Variants in PRX observed in about 807,000 individuals in gnomAD.
PRX encodes periaxin.
In PRX, 24 loss-of-function variants were observed where a neutral mutation model predicts 29.6. That is an observed-to-expected ratio of 0.81 (90% CI 0.59 to 1.14). The LOEUF (loss-of-function observed/expected upper bound fraction) is 1.14, where lower values mean the gene tolerates loss of function less well. Among genes scored for constraint, PRX ranks in the 50% most tolerant of loss-of-function variants. The probability of loss-of-function intolerance (pLI) is 0.00; values close to 1 mark genes in which losing one functional copy is unlikely to be tolerated. For synonymous variants in PRX, 772 were observed against 831.7 expected, an observed-to-expected ratio of 0.93 and a Z score of 1.24; for missense variants, 1,838 against 1,926.4, an observed-to-expected ratio of 0.95 and a Z score of 0.86.
chr19:40,396,411 C>T lies in PRX; in HGVS notation c.1941G>A (p.Met647Ile), dbSNP rs765325668. The T allele has an allele frequency of 6.2e-6, 10 of 1,613,804 alleles. No homozygotes were observed. The highest frequency in any genetic ancestry group is 8.5e-6 in the Non-Finnish European group (10 of 1,179,976). ...CCGGGAGGTGCACATCGGGCACAGC[C>T]ATCTCGGGCACCTTCGGGAGTTTCA... ...PEVKLPKVPE[M>I]AVPDVHLPEV... The change falls in exon 7 of 7, where the codon ATG (methionine) becomes ATA (isoleucine). Residue 647 changes from methionine (M) to isoleucine (I), a missense_variant. Met to Ile is a conservative substitution (Grantham distance 10, BLOSUM62 1). Transcript: ENST00000324001.
In PRX at chr19:40,396,388, G is replaced by A. The variant is rs118003416; in HGVS notation, c.1964C>T (p.Pro655Leu). Residue 655 changes from proline to leucine, a missense_variant, in exon 7 of 7, where the codon CCG becomes CTG. By Grantham distance (98) the Pro-to-Leu change is moderately conservative. Transcript: ENST00000324001. ...PEMAVPDVHL[P>L]EVQLPKVPEM... Reference sequence around the variant, plus strand: ...TGGGACTTTCGGGAGCTGCACTTCCGGGAGGTGCACATCGGGCACAGCCAT... The same window carrying A: ...TGGGACTTTCGGGAGCTGCACTTCCAGGAGGTGCACATCGGGCACAGCCAT... The A allele has an allele frequency of 6.5e-4, 1,051 of 1,613,766 alleles. 9 individuals are homozygous for A. The East Asian group carries it at 0.022, about 34-fold the overall frequency.
rs763489447 is a variant in PRX at position 40,396,950 on chromosome 19, C to T, written c.1402G>A (p.Val468Met). The change falls in exon 7 of 7, where the codon GTG becomes ATG. Residue 468 changes from valine to methionine, a missense_variant. Val to Met is a conservative substitution (Grantham distance 21). Around this residue, in one of 3 missense-constraint regions of PRX, gnomAD observed 666 missense variants for 665.0 expected, o/e 1.00. Transcript: ENST00000324001. Reference sequence around the variant, plus strand: ...ATCTCTGACACCTTGGGGAGCTCCACCTCTGGGAGTCGAACCTCTGGAAGG... The same window carrying T: ...ATCTCTGACACCTTGGGGAGCTCCATCTCTGGGAGTCGAACCTCTGGAAGG... ...AALPEVRLPEVELPKVSEMKL... is the reference protein window; with the variant it reads ...AALPEVRLPEMELPKVSEMKL... 2.8e-5 allele frequency: 45 copies of T among 1,614,206 alleles called. 1 individual carries two copies. In the South Asian group the frequency reaches 4.5e-4, roughly 16 times the overall value.
At position 40,397,540 on chromosome 19, in the gene PRX, G is replaced by A; in HGVS notation, c.812C>T (p.Pro271Leu). ...EAAGGFALHL[P>L]TLGLGAPAPP... ...AGCCGGGGCTCCGAGCCCAAGGGTT[G>A]GCAGGTGGAGGGCAAAGCCACCAGC... The change falls in exon 7 of 7, where the codon CCA becomes CTA. Residue 271 changes from proline to leucine, a missense_variant. Physicochemically the swap from Pro to Leu is moderately conservative, Grantham distance 98. This residue lies in a region of PRX where 666 missense variants were observed against 665.0 expected (regional missense o/e 1.00). Transcript: ENST00000324001. 6.5e-7 allele frequency: 1 copy of A among 1,541,946 alleles called. No homozygotes were observed.
chr19:40,397,843 A>C lies in PRX; in HGVS notation c.509T>G (p.Leu170Arg), dbSNP rs1387520113. ...FPKFSRLRRG[L>R]KAEAVKGPVP... is the part of the protein sequence containing the mutation. ...AGGACCCTTGACAGCCTCGGCTTTGAGGCCCCGACGCAGGCGGGAGAACTT... is the reference window on the plus strand; with the variant it reads ...AGGACCCTTGACAGCCTCGGCTTTGCGGCCCCGACGCAGGCGGGAGAACTT... Residue 170 changes from leucine to arginine, a missense_variant, in exon 7 of 7, where the codon CTC becomes CGC. Leu to Arg is a moderately radical substitution (Grantham distance 102). Coordinates refer to ENST00000324001, the MANE Select transcript of PRX (RefSeq NM_181882.3). 1.2e-6 allele frequency: 2 copies of C among 1,601,022 alleles called. No homozygotes were observed. Among genetic ancestry groups the C allele is most frequent in the Non-Finnish European group, 1.7e-6 (2 of 1,174,798 alleles).
chr19:40,406,771 CTTTTT>C (rs59493934), intron 4 of PRX, among the ~76,000 whole-genome samples: 3 of 121,366 alleles, frequency 2.5e-5, no homozygotes, highest in African/African-American at 3.4e-5. Context: ...ACCTCCATTT[CTTTTT>C]TTTTTTTTTT....
chr19:40,397,832 C>A lies in PRX; in HGVS notation c.520G>T (p.Ala174Ser). 1 of 1,595,566 alleles carries A rather than the reference C, an allele frequency of 6.3e-7. No individual in the cohort carries two copies. Among genetic ancestry groups the A allele is most frequent in the Non-Finnish European group, 8.5e-7 (1 of 1,172,116 alleles). ...GCAGCCGGGACAGGACCCTTGACAG[C>A]CTCGGCTTTGAGGCCCCGACGCAGG... ...SRLRRGLKAE[A>S]VKGPVPAAPA... is the part of the protein sequence containing the mutation. The change falls in exon 7 of 7, where the codon GCT becomes TCT. Residue 174 changes from alanine to serine, a missense_variant. Coordinates refer to ENST00000324001, the MANE Select transcript of PRX (RefSeq NM_181882.3).
In PRX at chr19:40,393,953, C is replaced by T; in HGVS notation, c.*13G>A. ...AAGGAAGGCAAGAAGGGATCCCCAT[C>T]TGACTAGGGGCTTCAGACAGCCGCA... On this transcript the variant is annotated 3_prime_UTR_variant, in exon 7 of 7. Transcript: ENST00000324001. 1 of 1,610,184 alleles carries T rather than the reference C, an allele frequency of 6.2e-7. No individual in the cohort carries two copies. Among genetic ancestry groups the T allele is most frequent in the Non-Finnish European group, 8.5e-7 (1 of 1,179,734 alleles).
chr19:40,396,664 G>A lies in PRX; in HGVS notation c.1688C>T (p.Ala563Val). The A allele has an allele frequency of 1.9e-6, 3 of 1,613,786 alleles. No homozygotes were observed. Among genetic ancestry groups the A allele is most frequent in the South Asian group, 1.1e-5 (1 of 91,036 alleles). Residue 563 changes from alanine to valine, a missense_variant, in exon 7 of 7, where the codon GCT becomes GTT. Coordinates refer to ENST00000324001, the MANE Select transcript of PRX (RefSeq NM_181882.3). ...CTCTGGAAGCCGCACCTCTGGCACAGCCACCTCTGACACCTCTGGGAGTTT... is the reference window on the plus strand; with the variant it reads ...CTCTGGAAGCCGCACCTCTGGCACAACCACCTCTGACACCTCTGGGAGTTT... ...EMKLPEVSEV[A>V]VPEVRLPEVQ...
upstream of PRX, among the ~76,000 whole-genome samples, chr19:40,413,771 G>A (rs189494879): frequency 2.6e-5 from 4 of 152,292 alleles, no homozygotes; most frequent in East Asian, 1.9e-4. Flanking sequence ...CCACTTCCTC[G>A]CTGGGTGACC....
At chr19:40,400,864 C>T (rs186930216) in intron 5 of PRX, among the ~76,000 whole-genome samples, 1 of 152,244 alleles carries the variant, frequency 6.6e-6, no homozygotes, top group Non-Finnish European at 1.5e-5. Context: ...AGTTAAAAGA[C>T]CATAAATCTG....
chr19:40,410,576 TAAA>T (rs1414578067), intron 1 of PRX, among the ~76,000 whole-genome samples: 3 of 152,100 alleles, frequency 2.0e-5, no homozygotes, highest in Non-Finnish European at 4.4e-5. Flanking sequence ...TGAACTTGTC[TAAA>T]AACTCCAGCA....
At chr19:40,412,892 A>AT (rs1350231247) in intron 1 of PRX, among the ~76,000 whole-genome samples, 3 of 151,696 alleles carry the variant, frequency 2.0e-5, no homozygotes, top group East Asian at 3.9e-4. Flanking sequence ...ATTAAAAAAA[A>AT]TTTTTTTTTG....
chr19:40,399,046 T>C (rs893480448), intron 5 of PRX, among the ~76,000 whole-genome samples: 1 of 152,082 alleles, frequency 6.6e-6, no homozygotes, highest in Non-Finnish European at 1.5e-5. Flanking sequence ...CCGCACCTTG[T>C]CGCTCCCCTA....
In PRX at chr19:40,396,140, G is replaced by C; in HGVS notation, c.2212C>G (p.Pro738Ala). 6.2e-7 allele frequency: 1 copy of C among 1,613,832 alleles called. No individual in the cohort carries two copies. ...TGCACCTCGGGGAGGTGCACATCGG[G>C]CACAGCCATCTCAGGCACCTTGGGG... ...KLPKVPEMAV[P>A]DVHLPEVQLP... Residue 738 changes from proline (P) to alanine (A), a missense_variant, in exon 7 of 7, where the codon CCC becomes GCC. Physicochemically the swap from Pro to Ala is conservative, Grantham distance 27. This residue lies in a region of PRX where 1,143 missense variants were observed against 1,193.0 expected (regional missense o/e 0.96). Transcript: ENST00000324001.
chr19:40,411,387 G>A (rs995734980), intron 1 of PRX, among the ~76,000 whole-genome samples: 1 of 152,172 alleles, frequency 6.6e-6, no homozygotes, highest in Non-Finnish European at 1.5e-5. Context: ...GTGTGAAAGC[G>A]AACTCAGTTC....
rs779516551 is a variant in PRX at position 40,396,559 on chromosome 19, A to T, written c.1793T>A (p.Met598Lys). Residue 598 changes from methionine to lysine, a missense_variant, in exon 7 of 7, where the codon ATG (methionine) becomes AAG (lysine). Physicochemically the swap from Met to Lys is moderately conservative, Grantham distance 95. Coordinates refer to ENST00000324001, the MANE Select transcript of PRX (RefSeq NM_181882.3). ...PKVPEMKLPEMKLPEVQLPKV... is the reference protein window; with the variant it reads ...PKVPEMKLPEKKLPEVQLPKV... ...CGGGAGTTGCACTTCAGGGAGTTTC[A>T]TCTCAGGAAGTTTCATCTCAGGCAC... 2 of 1,613,022 alleles carry T rather than the reference A, an allele frequency of 1.2e-6. No homozygotes were observed.
At position 40,397,619 on chromosome 19, in the gene PRX, C is replaced by T. The variant is rs1382251870; in HGVS notation, c.733G>A (p.Glu245Lys). 6.5e-7 allele frequency: 1 copy of T among 1,541,290 alleles called. No individual in the cohort carries two copies. Among genetic ancestry groups the T allele is most frequent in the Non-Finnish European group, 8.7e-7 (1 of 1,148,868 alleles). Residue 245 changes from glutamate to lysine, a missense_variant, in exon 7 of 7, where the codon GAG becomes AAG. Glu to Lys is a moderately conservative substitution (Grantham distance 56). This residue lies in a region of PRX where 666 missense variants were observed against 665.0 expected (regional missense o/e 1.00). Transcript: ENST00000324001. The stretch of plus-strand genomic sequence containing the variant: ...GCTGAGACCTGGGGGACACCCACCT[C>T]CGCCCCTGGCAGCCGCGGCCCAACC... ...ELVGPRLPGA[E>K]VGVPQVSAPK...
At chr19:40,413,071 C>T (rs1039134200) in intron 1 of PRX, among the ~76,000 whole-genome samples, 1 of 152,144 alleles carries the variant, frequency 6.6e-6, no homozygotes, top group Non-Finnish European at 1.5e-5. Context: ...CGGCACCAGC[C>T]CTGTGAGGTG....
Position 40,394,967 on chromosome 19 carries a change from A to G in PRX, c.3385T>C (p.Ser1129Pro), listed in dbSNP as rs139125398. ...TCAGTGACCACCTGCCCGGCTGTGG[A>G]CACCTTCAGGCCTGACAGCTGCATT... is the stretch of plus-strand genomic sequence containing the variant. ...SGMQLSGLKV[S>P]TAGQVVTEGH... is the part of the protein sequence containing the mutation. The change falls in exon 7 of 7, where the codon TCC becomes CCC. Residue 1129 changes from serine to proline, a missense_variant. Coordinates refer to ENST00000324001, the MANE Select transcript of PRX (RefSeq NM_181882.3). This position sits in a 1 kb window ranked among gnomAD's most constrained non-coding sequence, Gnocchi z 5.8. 14 of 1,607,856 alleles carry G rather than the reference A, an allele frequency of 8.7e-6. No individual in the cohort carries two copies. In the African/African-American group the frequency reaches 1.7e-4, roughly 20 times the overall value.
Sources: gnomAD v4.1 joint callset for allele counts (sites outside exome capture counted in the v4.1 genomes callset) on GRCh38, gnomAD v4.1.1 for gene constraint, gnomAD v4.1.1 regional missense constraint, Gnocchi (gnomAD v3.1) non-coding constraint, MANE v1.5 for transcripts, NCBI Gene and HGNC (gene_info 2026-07-23, HGNC 2026-07-21) for gene names.